Variants in AP1S3 observed in about 807,000 individuals in gnomAD.
AP1S3 encodes AP-1 complex subunit sigma-3.
A neutral mutation model predicts 20.9 loss-of-function variants in AP1S3; 10 were observed. That is an observed-to-expected ratio of 0.48 (90% confidence interval 0.29 to 0.81). The LOEUF (loss-of-function observed/expected upper bound fraction) is 0.81, where lower values mean the gene tolerates loss of function less well. AP1S3 is among the 30% of genes least tolerant of loss of function. The probability of loss-of-function intolerance (pLI) is 0.08; values close to 1 mark genes in which losing one functional copy is unlikely to be tolerated. For synonymous variants in AP1S3, 41 were observed against 61.5 expected, an observed-to-expected ratio of 0.67 and a Z score of 1.56; for missense variants, 154 against 183.8, an observed-to-expected ratio of 0.84 and a Z score of 0.94.
In AP1S3 at chr2:223,790,888, C is replaced by T. The variant is rs143934520; in HGVS notation, c.4-13019G>A. The stretch of plus-strand genomic sequence containing the variant: ...AACTAACCATCAGAGAATACAAAAA[C>T]ACCTCTATGCACATAAACTAGAAAA... On this transcript the variant is annotated intron_variant, in intron 1 of 4. Coordinates refer to ENST00000396654, the MANE Select transcript of AP1S3 (RefSeq NM_001039569.2). Among the ~76,000 whole-genome samples, 409 of 152,248 alleles carry T rather than the reference C, an allele frequency of 2.7e-3. 3 individuals are homozygous for T. The highest frequency in any genetic ancestry group is 9.1e-3 in the African/African-American group (376 of 41,542).
At chr2:223,787,259 GA>G (rs1210165713) in intron 1 of AP1S3, among the ~76,000 whole-genome samples, 2 of 152,168 alleles carry the variant, frequency 1.3e-5, no homozygotes, top group African/African-American at 4.8e-5. Context: ...ACAGCCTTCA[GA>G]ACCATGGGCC....
chr2:223,829,790 T>C (rs1692215592), intron 1 of AP1S3, among the ~76,000 whole-genome samples: 1 of 150,612 alleles, frequency 6.6e-6, no homozygotes, highest in Admixed American at 6.6e-5. Context: ...TGAGCTGAGA[T>C]CACACCACTG....
chr2:223,817,881 A>T (rs1050142843), intron 1 of AP1S3, among the ~76,000 whole-genome samples: 1 of 152,020 alleles, frequency 6.6e-6, no homozygotes, highest in African/African-American at 2.4e-5. Flanking sequence ...ATGATGACCA[A>T]ATAATAAGAA....
intron 1 of AP1S3, among the ~76,000 whole-genome samples, chr2:223,795,973 G>A (rs572579583): frequency 3.3e-5 from 5 of 152,288 alleles, no homozygotes; most frequent in African/African-American, 1.2e-4. Context: ...AAGAGATCGA[G>A]ATCAGCCTGG....
intron 1 of AP1S3, among the ~76,000 whole-genome samples, chr2:223,782,562 C>CA (rs768076286): frequency 2.6e-5 from 4 of 151,574 alleles, no homozygotes; most frequent in Admixed American, 6.6e-5. Context: ...TCAAACTTAT[C>CA]TCAGGATCAG....
At chr2:223,819,944 C>G (rs914108963) in intron 1 of AP1S3, among the ~76,000 whole-genome samples, 1 of 151,288 alleles carries the variant, frequency 6.6e-6, no homozygotes, top group Non-Finnish European at 1.5e-5. Context: ...AAAAAAAAAT[C>G]TTAATGTAAC....
Position 223,777,801 on chromosome 2 carries a change from A to G in AP1S3, c.72T>C (p.Pro24=), listed in dbSNP as rs1001596219. Residue 24 remains proline (P), a synonymous_variant, in exon 2 of 5, where the codon CCT becomes CCC. Transcript: ENST00000396654. ...LRLQKWYITL[P]DKERKKITRE... is the part of the protein sequence containing the mutation. ...GGGTGATCTTCTTCCTCTCTTTATC[A>G]GGGAGAGTGATGTACCATTTCTGTA... is the stretch of plus-strand genomic sequence containing the variant. 1.2e-6 allele frequency: 2 copies of G among 1,614,012 alleles called. No homozygotes were observed. The highest frequency in any genetic ancestry group is 1.7e-6 in the Non-Finnish European group (2 of 1,180,016).
intron 1 of AP1S3, among the ~76,000 whole-genome samples, chr2:223,828,058 T>TAAAAAAAAAAAAAAA (rs527671959): frequency 1.6e-4 from 15 of 94,660 alleles, no homozygotes; most frequent in African/African-American, 3.9e-4. Flanking sequence ...AGACTTCATC[T>TAAAAAAAAAAAAAAA]AAAAAAAAAA....
chr2:223,787,746 T>C (rs1198880909), intron 1 of AP1S3, among the ~76,000 whole-genome samples: 1 of 149,738 alleles, frequency 6.7e-6, no homozygotes, highest in East Asian at 1.9e-4. Flanking sequence ...CACATGCATA[T>C]GCAACACACA....
chr2:223,792,426 A>G (rs1448212059), intron 1 of AP1S3, among the ~76,000 whole-genome samples: 1 of 152,120 alleles, frequency 6.6e-6, no homozygotes, highest in Non-Finnish European at 1.5e-5. Flanking sequence ...GACAAAAATA[A>G]GCAATTTTTT....
At position 223,807,686 on chromosome 2, in the gene AP1S3, C is replaced by G. The variant is rs1256306407; in HGVS notation, c.3+29762G>C. 3.9e-5 allele frequency among the ~76,000 whole-genome samples: 6 copies of G among 152,074 alleles called. No individual in the cohort carries two copies. The East Asian group carries it at 1.2e-3, about 29-fold the overall frequency. ...GTTGTTTTAAAAGTGTGTGGAACCT[C>G]TCCCCTCTTGTTCCTGCTCCCCCAC... On this transcript the variant is annotated intron_variant, in intron 1 of 4. Transcript: ENST00000396654.
chr2:223,836,173 G>C (rs575581663), intron 1 of AP1S3, among the ~76,000 whole-genome samples: 1 of 152,062 alleles, frequency 6.6e-6, no homozygotes, highest in African/African-American at 2.4e-5. Context: ...TCCTGCCTCC[G>C]GTGGGCCCAC....
chr2:223,756,970 T>C lies in AP1S3; in HGVS notation c.*1745A>G. ...AATAGCAGGCAGCAAGACAGAATACTACAAGCTTTTACTTTTTCTTTTTTT... is the reference window on the plus strand; with the variant it reads ...AATAGCAGGCAGCAAGACAGAATACCACAAGCTTTTACTTTTTCTTTTTTT... On this transcript the variant is annotated 3_prime_UTR_variant, in exon 5 of 5. Transcript: ENST00000396654. The C allele has an allele frequency of 1.0e-6, 1 of 979,618 alleles. No homozygotes were observed. The highest frequency in any genetic ancestry group is 4.7e-5 in the South Asian group (1 of 21,148). 60.7% of individuals were successfully genotyped at this position (979,618 alleles called of 1,614,324 possible). A position where few individuals can be genotyped will look rare whatever the true frequency, so the allele number is the denominator to read the frequency against.
intron 1 of AP1S3, among the ~76,000 whole-genome samples, chr2:223,814,125 T>C (rs1406854052): frequency 6.6e-6 from 1 of 152,246 alleles, no homozygotes. Flanking sequence ...TACCTTCATT[T>C]TTTAACATAC....
chr2:223,780,355 AGAGTGTGTGT>A (rs1690912418), intron 1 of AP1S3, among the ~76,000 whole-genome samples: 3 of 54,968 alleles, frequency 5.5e-5, no homozygotes, highest in African/African-American at 9.0e-5. Context: ...AGAGAGAGAG[AGAGTGTGTGT>A]GTGTGTGTGT....
At chr2:223,804,523 A>G (rs1055720931) in intron 1 of AP1S3, among the ~76,000 whole-genome samples, 12 of 151,834 alleles carry the variant, frequency 7.9e-5, no homozygotes, top group African/African-American at 2.9e-4. Context: ...ATATAGTGAG[A>G]CTCTATATCT....
intron 1 of AP1S3, among the ~76,000 whole-genome samples, chr2:223,788,789 AAG>A (rs1691137966): frequency 6.6e-6 from 1 of 151,280 alleles, no homozygotes; most frequent in Admixed American, 6.6e-5. Context: ...AAAGAAGAAG[AAG>A]AAGAAGAGAT....
intron 1 of AP1S3, among the ~76,000 whole-genome samples, chr2:223,812,195 A>T (rs1691747711): frequency 6.6e-6 from 1 of 152,126 alleles, no homozygotes; most frequent in Admixed American, 6.6e-5. Context: ...GCATGCAGGC[A>T]TGTAAGCCTT....
chr2:223,792,150 T>G (rs1241112779), intron 1 of AP1S3, among the ~76,000 whole-genome samples: 1 of 152,070 alleles, frequency 6.6e-6, no homozygotes, highest in Non-Finnish European at 1.5e-5. Context: ...AAAAACTATT[T>G]TAAAATTCAT....
Sources: allele counts gnomAD v4.1 joint callset (sites outside exome capture counted in the v4.1 genomes callset), GRCh38; gene constraint gnomAD v4.1.1; transcripts MANE v1.5; gene names NCBI Gene and HGNC (gene_info 2026-07-23, HGNC 2026-07-21).